SLC16A12: variants seen among roughly 807,000 people sequenced by gnomAD.
SLC16A12 encodes solute carrier family 16 member 12.
Under a neutral mutation model 42.4 loss-of-function variants are expected in SLC16A12, and 17 were observed. That is an observed-to-expected ratio of 0.40 (90% CI 0.27 to 0.60). The LOEUF is 0.60. SLC16A12 is among the 20% of genes least tolerant of loss of function. SLC16A12 has a pLI of 0.42. For synonymous variants in SLC16A12, 224 were observed against 229.4 expected (o/e 0.98, Z 0.21); for missense variants, 544 against 623.0 (o/e 0.87, Z 1.35).
At chr10:89,483,126 C>T (rs1222171614) in intron 2 of SLC16A12, among the ~76,000 whole-genome samples, 6 of 152,010 alleles carry the variant, frequency 3.9e-5, no homozygotes, top group African/African-American at 1.5e-4. Flanking sequence ...GCAATGTGCT[C>T]ACGTGGCCTT....
chr10:89,540,069 T>C (rs916991404), upstream of SLC16A12, among the ~76,000 whole-genome samples: 4 of 151,224 alleles, frequency 2.6e-5, no homozygotes, highest in African/African-American at 9.7e-5. Context: ...TTCCTTTCCT[T>C]CTTTCTTTGC....
intron 2 of SLC16A12, among the ~76,000 whole-genome samples, chr10:89,508,795 G>A (rs530680999): frequency 6.6e-6 from 1 of 152,150 alleles, no homozygotes; most frequent in African/African-American, 2.4e-5. Context: ...GCAGGAGCTG[G>A]TTTTTTGAAA....
At chr10:89,552,928 C>G (rs1843780150) in intron 2 of SLC16A12, among the ~76,000 whole-genome samples, 1 of 152,078 alleles carries the variant, frequency 6.6e-6, no homozygotes, top group South Asian at 2.1e-4. Context: ...AAAAAATGAC[C>G]ATTGAAATGC....
chr10:89,438,649 A>G lies in SLC16A12; in HGVS notation c.983T>C (p.Ile328Thr), dbSNP rs1262678205. 2 of 1,613,882 alleles carry G rather than the reference A, an allele frequency of 1.2e-6. No individual in the cohort carries two copies. The highest frequency in any genetic ancestry group is 1.7e-5 in the Admixed American group (1 of 59,966). ...AAATGTGATATTGCCAATAATGTCAATCACTCCAAGTATGGACATAAGAAA... is the reference window on the plus strand; with the variant it reads ...AAATGTGATATTGCCAATAATGTCAGTCACTCCAAGTATGGACATAAGAAA... ...AAFLMSILGV[I>T]DIIGNITFGW... Residue 328 changes from isoleucine (I) to threonine (T), a missense_variant, in exon 6 of 8, where the codon ATT becomes ACT. Coordinates refer to ENST00000371790, the MANE Select transcript of SLC16A12 (RefSeq NM_213606.4).
intron 2 of SLC16A12, among the ~76,000 whole-genome samples, chr10:89,485,153 G>A (rs113186408): frequency 0.015 from 2,296 of 152,262 alleles, 58 homozygotes; most frequent in African/African-American, 0.018. Context: ...TGGCTCCCCA[G>A]AGGACATTTG....
At chr10:89,519,733 G>A (rs969652759) in intron 2 of SLC16A12, among the ~76,000 whole-genome samples, 3 of 151,940 alleles carry the variant, frequency 2.0e-5, no homozygotes, top group Non-Finnish European at 4.4e-5. Flanking sequence ...TCATTGCAGG[G>A]GGTGGGGGGG....
intron 2 of SLC16A12, among the ~76,000 whole-genome samples, chr10:89,474,660 C>A (rs1056916106): frequency 6.6e-6 from 1 of 152,104 alleles, no homozygotes; most frequent in Non-Finnish European, 1.5e-5. Flanking sequence ...CACGGAGGTA[C>A]CAGCCAGCAC....
intron 2 of SLC16A12, among the ~76,000 whole-genome samples, chr10:89,532,407 G>C (rs1329792238): frequency 6.6e-6 from 1 of 152,182 alleles, no homozygotes; most frequent in Admixed American, 6.5e-5. Context: ...GACACTTTCT[G>C]ATGTCCTTTG....
intron 2 of SLC16A12, among the ~76,000 whole-genome samples, chr10:89,504,001 T>A (rs1843024494): frequency 6.6e-6 from 1 of 152,206 alleles, no homozygotes; most frequent in African/African-American, 2.4e-5. Context: ...AATGTCTTGT[T>A]CAGTTACAAA....
chr10:89,519,893 T>C (rs1443995162), intron 2 of SLC16A12, among the ~76,000 whole-genome samples: 1 of 152,076 alleles, frequency 6.6e-6, no homozygotes, highest in Non-Finnish European at 1.5e-5. Context: ...GGCGGGCAGA[T>C]CACAAGGTCA....
intron 2 of SLC16A12, among the ~76,000 whole-genome samples, chr10:89,470,995 A>C (rs1360701998): frequency 1.3e-5 from 2 of 152,226 alleles, no homozygotes; most frequent in African/African-American, 4.8e-5. Flanking sequence ...GAGAGGAGAG[A>C]AACAACCCTA....
rs1589659925 is a variant in SLC16A12 at position 89,439,017 on chromosome 10, T to C, written c.615A>G (p.Gly205=). 1 of 1,613,862 alleles carries C rather than the reference T, an allele frequency of 6.2e-7. No individual in the cohort carries two copies. The highest frequency in any genetic ancestry group is 8.5e-7 in the Non-Finnish European group (1 of 1,179,918). Residue 205 remains glycine (G), a synonymous_variant, in exon 6 of 8, where the codon GGA becomes GGG. Coordinates refer to ENST00000371790, the MANE Select transcript of SLC16A12 (RefSeq NM_213606.4). ...QLLIEQFSWR[G]ALLILGGFVL... ...CAAAGCCCCCAAGAATGAGTAAGGCTCCCCGCCAGGAAAACTGTTCAATAA... is the reference window on the plus strand; with the variant it reads ...CAAAGCCCCCAAGAATGAGTAAGGCCCCCCGCCAGGAAAACTGTTCAATAA...
chr10:89,538,503 C>T (rs1843694279), upstream of SLC16A12, among the ~76,000 whole-genome samples: 1 of 152,140 alleles, frequency 6.6e-6, no homozygotes, highest in African/African-American at 2.4e-5. Flanking sequence ...GCACTCAAAA[C>T]GTTTTCTTCA....
intron 3 of SLC16A12, chr10:89,456,255 G>A (rs1270774214): frequency 6.6e-6 from 1 of 152,168 alleles, no homozygotes; most frequent in African/African-American, 2.4e-5. Flanking sequence ...CAATGTAAGT[G>A]CTCAGTTAAA....
At chr10:89,468,170 A>G (rs1293256110) in intron 2 of SLC16A12, 2 of 152,254 alleles carry the variant, frequency 1.3e-5, no homozygotes, top group African/African-American at 4.8e-5. Flanking sequence ...CGATGAACAA[A>G]GGTCTGTTGT....
Position 89,543,216 on chromosome 10 carries a change from T to C in SLC16A12, c.-47+12666A>G, listed in dbSNP as rs1048146708. 2.6e-5 allele frequency among the ~76,000 whole-genome samples: 4 copies of C among 152,246 alleles called. No homozygotes were observed. The East Asian group carries it at 5.8e-4, about 22-fold the overall frequency. Reference sequence around the variant, plus strand: ...GAATCTAGGTAGAAACATATAGGTGTTCACTGGATAATCTTTTTGACTTTT... The same window carrying C: ...GAATCTAGGTAGAAACATATAGGTGCTCACTGGATAATCTTTTTGACTTTT... On this transcript the variant is annotated intron_variant, in intron 2 of 2. Transcript: ENST00000475682.
intron 2 of SLC16A12, among the ~76,000 whole-genome samples, chr10:89,508,029 T>A: frequency 6.6e-6 from 1 of 152,192 alleles, no homozygotes; most frequent in East Asian, 1.9e-4. Context: ...AAGAGATAAC[T>A]ATCCTAACTA....
chr10:89,487,809 CAAAAAAA>C (rs71022569), intron 2 of SLC16A12, among the ~76,000 whole-genome samples: 3 of 84,780 alleles, frequency 3.5e-5, no homozygotes, highest in South Asian at 1.1e-3. Context: ...GATTCTGTCT[CAAAAAAA>C]AAAAAAAAAA....
intron 2 of SLC16A12, among the ~76,000 whole-genome samples, chr10:89,479,503 G>C (rs919584487): frequency 6.6e-6 from 1 of 152,148 alleles, no homozygotes; most frequent in Non-Finnish European, 1.5e-5. Context: ...CCTAAGCCTC[G>C]TGCCTTAACT....
Sources: allele counts gnomAD v4.1 joint callset (sites outside exome capture counted in the v4.1 genomes callset), GRCh38; gene constraint gnomAD v4.1.1; transcripts MANE v1.5; gene names NCBI Gene and HGNC (gene_info 2026-07-23, HGNC 2026-07-21).